MBP: variants seen among roughly 807,000 people sequenced by gnomAD.
The protein encoded by MBP is myelin basic protein, also known as Golli-MBP.
Under a neutral mutation model 35.8 loss-of-function variants are expected in MBP, and 16 were observed. The ratio of observed to expected loss-of-function variants is 0.45; its 90% CI spans 0.30 to 0.68. The LOEUF is 0.68. MBP is among the 30% of genes least tolerant of loss of function. The pLI, the probability that MBP is intolerant of heterozygous loss-of-function variation, is 0.08. For synonymous variants in MBP, 143 were observed against 159.6 expected (o/e 0.90, Z 0.78); for missense variants, 380 against 404.7 (o/e 0.94, Z 0.52).
chr18:77,005,749 G>A (rs1349659452), intron 4 of MBP: 2 of 152,530 alleles, frequency 1.3e-5, no homozygotes, highest in African/African-American at 2.4e-5. Context: ...GAGGGGCCAG[G>A]GCCAGCAGGG....
intron 2 of MBP, among the ~76,000 whole-genome samples, chr18:77,084,798 A>G (rs1459950903): frequency 6.6e-6 from 1 of 152,202 alleles, no homozygotes; most frequent in Non-Finnish European, 1.5e-5. Context: ...GCAAACATTA[A>G]CCAGTGTCAC....
rs1391462092 is a variant in MBP at position 77,017,059 on chromosome 18, G to A, written c.349C>T (p.Leu117Phe). The A allele has an allele frequency of 6.2e-7, 1 of 1,613,234 alleles. No homozygotes were observed. Among genetic ancestry groups the A allele is most frequent in the African/African-American group, 1.3e-5 (1 of 74,880 alleles). The change falls in exon 4 of 9, where the codon CTC becomes TTC. Residue 117 changes from leucine to phenylalanine, a missense_variant. Transcript: ENST00000355994. Reference sequence around the variant, plus strand: ...GCACTGTCTTCTTGGATGGTCTGGAGCTCGTCGGACTCAGAGGGCCTGTCT... The same window carrying A: ...GCACTGTCTTCTTGGATGGTCTGGAACTCGTCGGACTCAGAGGGCCTGTCT... Reference protein sequence around the residue: ...FKDRPSESDELQTIQEDSAAT... With the variant: ...FKDRPSESDEFQTIQEDSAAT...
intron 2 of MBP, among the ~76,000 whole-genome samples, chr18:77,075,712 T>C (rs1194517773): frequency 2.0e-5 from 3 of 152,110 alleles, no homozygotes; most frequent in Non-Finnish European, 4.4e-5. Flanking sequence ...TTTAACGTCC[T>C]CAGAACAGGT....
chr18:77,088,443 C>T (rs1975359211), intron 2 of MBP, among the ~76,000 whole-genome samples: 1 of 152,192 alleles, frequency 6.6e-6, no homozygotes, highest in Non-Finnish European at 1.5e-5. Context: ...TTGGGGCCAC[C>T]AACCTTCAGG....
At chr18:77,132,032 C>G (rs1467977385) in intron 1 of MBP, among the ~76,000 whole-genome samples, 1 of 152,132 alleles carries the variant, frequency 6.6e-6, no homozygotes, top group Non-Finnish European at 1.5e-5. Context: ...GCGGGGCCCC[C>G]GGGGTGTGAT....
intron 2 of MBP, among the ~76,000 whole-genome samples, chr18:77,088,201 C>T (rs1364345223): frequency 6.6e-6 from 1 of 152,090 alleles, no homozygotes; most frequent in African/African-American, 2.4e-5. Context: ...GAAAACCCTT[C>T]CTACCGGTTC....
At chr18:77,106,795 G>C (rs988682345) in intron 1 of MBP, among the ~76,000 whole-genome samples, 1 of 152,162 alleles carries the variant, frequency 6.6e-6, no homozygotes, top group Non-Finnish European at 1.5e-5. Flanking sequence ...AAAACGCAAG[G>C]CTACCTTTGC....
rs183299793 is a variant in MBP, at chr18:77,130,260, C to T, written c.-26+2320G>A. On this transcript the variant is annotated intron_variant, in intron 1 of 8. Transcript: ENST00000355994. ...TTTTAAAAGGAGGAACGAGGAGCAC[C>T]TTTGCAAGGCATCCTTCTCACCACG... Among the ~76,000 whole-genome samples, 202 of 152,098 alleles carry T rather than the reference C, an allele frequency of 1.3e-3. 2 individuals carry two copies. Among genetic ancestry groups the T allele is most frequent in the Non-Finnish European group, 2.2e-3 (151 of 68,010 alleles).
intron 4 of MBP, chr18:77,015,304 A>C (rs574639249): frequency 4.1e-4 from 402 of 985,298 alleles, no homozygotes; most frequent in Non-Finnish European, 4.7e-4. Flanking sequence ...AGAATAGTTC[A>C]AGCTTTCAAA....
intron 1 of MBP, chr18:77,108,411 G>A (rs1016932303): frequency 6.6e-6 from 1 of 152,226 alleles, no homozygotes; most frequent in African/African-American, 2.4e-5. Context: ...GAAGCCTTTT[G>A]TAAACTAATA....
intron 1 of MBP, among the ~76,000 whole-genome samples, chr18:77,111,103 A>G (rs1033648891): frequency 6.6e-6 from 1 of 152,190 alleles, no homozygotes; most frequent in African/African-American, 2.4e-5. Context: ...CCTGTTCAGA[A>G]AGCCTGGCAA....
At chr18:76,990,913 T>C in intron 4 of MBP, 1 of 299,806 alleles carries the variant, frequency 3.3e-6, no homozygotes, top group African/African-American at 2.3e-5. Context: ...TGTGCGGCTC[T>C]CCTGAAGGTG....
intron 3 of MBP, among the ~76,000 whole-genome samples, chr18:77,061,755 G>A (rs73489008): frequency 0.013 from 2,042 of 152,256 alleles, 54 homozygotes; most frequent in African/African-American, 0.047. Flanking sequence ...CCTACTGTCA[G>A]CTAACTCAAG....
At chr18:77,056,015 G>A (rs1343239446) in intron 3 of MBP, among the ~76,000 whole-genome samples, 6 of 152,244 alleles carry the variant, frequency 3.9e-5, no homozygotes, top group South Asian at 2.1e-4. Context: ...GTGGTGTCAC[G>A]GCTGAGCGTG....
In MBP at chr18:77,016,882, C is replaced by T. The variant is rs772570115; in HGVS notation, c.526G>A (p.Gly176Arg). 3 of 1,614,212 alleles carry T rather than the reference C, an allele frequency of 1.9e-6. No individual in the cohort carries two copies. In the South Asian group the frequency reaches 3.3e-5, roughly 18 times the overall value. Residue 176 changes from glycine (G) to arginine (R), a missense_variant, in exon 4 of 9, where the codon GGG becomes AGG. Transcript: ENST00000355994. ...HRDTGILDSI[G>R]RFFGGDRGAP... ...CCCCTGTCACCGCCAAAGAAGCGCCCGATGGAGTCAAGGATGCCCGTGTCT... is the reference window on the plus strand; with the variant it reads ...CCCCTGTCACCGCCAAAGAAGCGCCTGATGGAGTCAAGGATGCCCGTGTCT...
chr18:77,082,296 A>C (rs1022829073), intron 2 of MBP, among the ~76,000 whole-genome samples: 1 of 152,230 alleles, frequency 6.6e-6, no homozygotes, highest in African/African-American at 2.4e-5. Flanking sequence ...TACGTGCTAC[A>C]CCATGGATGA....
rs1976088378 is a variant in MBP, at chr18:77,102,753, C to A, written c.51+2458G>T. ...GAGAGGTTTCTTGAAACTGGAGTTG[C>A]AAATCAGTCATTCTAAGACTTAAAA... On this transcript the variant is annotated intron_variant, in intron 2 of 8. Transcript: ENST00000355994. This position sits in a 1 kb window ranked among gnomAD's most constrained non-coding sequence, Gnocchi z 4.4. Among the ~76,000 whole-genome samples the A allele has an allele frequency of 6.6e-6, 1 of 152,286 alleles. No homozygotes were observed. Among genetic ancestry groups the A allele is most frequent in the East Asian group, 1.9e-4 (1 of 5,184 alleles).
chr18:77,081,841 C>CGT (rs1974944709), intron 2 of MBP, among the ~76,000 whole-genome samples: 1 of 41,030 alleles, frequency 2.4e-5, no homozygotes, highest in Non-Finnish European at 6.4e-5. Flanking sequence ...CACACACACA[C>CGT]ATATATATAT....
At chr18:77,113,915 T>C (rs576012957) in intron 1 of MBP, 1 of 152,364 alleles carries the variant, frequency 6.6e-6, no homozygotes, top group African/African-American at 2.4e-5. Context: ...GGCATCCATG[T>C]CTGTCCTACA....
Sources: allele counts gnomAD v4.1 joint callset (sites outside exome capture counted in the v4.1 genomes callset), GRCh38; gene constraint gnomAD v4.1.1; non-coding constraint Gnocchi (gnomAD v3.1); transcripts MANE v1.5; gene names NCBI Gene and HGNC (gene_info 2026-07-23, HGNC 2026-07-21).